Variants in MRC1 observed in about 807,000 individuals in gnomAD.
The protein encoded by MRC1 is macrophage mannose receptor 1.
In MRC1, 62 loss-of-function variants were observed where a neutral mutation model predicts 102.9. The observed-to-expected ratio is 0.60, with a 90% CI of 0.49 to 0.74. The LOEUF is 0.74. MRC1 is among the 30% of genes least tolerant of loss of function. MRC1 has a pLI of 0.00. For missense variants in MRC1, 1,237 were observed against 862.8 expected (o/e 1.43, Z -5.43); for synonymous variants, 457 against 298.4 (o/e 1.53, Z -5.48).
chr10:17,838,714 C>A (rs1275540023), intron 4 of MRC1, among the ~76,000 whole-genome samples: 1 of 152,144 alleles, frequency 6.6e-6, no homozygotes, highest in African/African-American at 2.4e-5. Context: ...TGGCTCACGC[C>A]TGTAACCCCA....
chr10:17,883,470 G>GT (rs1214384820), intron 21 of MRC1, among the ~76,000 whole-genome samples: 360 of 141,104 alleles, frequency 2.6e-3, no homozygotes, highest in East Asian at 5.6e-3. Flanking sequence ...CGGTGGAAGA[G>GT]TTTTTTTTTT....
intron 1 of MRC1, among the ~76,000 whole-genome samples, chr10:17,815,710 T>A (rs1446230247): frequency 2.6e-5 from 4 of 152,228 alleles, no homozygotes; most frequent in Admixed American, 2.0e-4. Flanking sequence ...AAATGGCCAG[T>A]TGCAATGACC....
At position 17,884,952 on chromosome 10, in the gene MRC1, G is replaced by C. The variant is rs930570594; in HGVS notation, c.2981-317G>C. Among the ~76,000 whole-genome samples, 367 of 152,358 alleles carry C rather than the reference G, an allele frequency of 2.4e-3. 1 individual carries two copies. Among genetic ancestry groups the C allele is most frequent in the Middle Eastern group, 6.8e-3 (2 of 294 alleles). ...GGTGACTTTTTATGAATTAGAAAAA[G>C]TTTTGGTTGTAGGCAGCCACGACCC... On this transcript the variant is annotated intron_variant, in intron 21 of 29. Transcript: ENST00000569591.
intron 19 of MRC1, among the ~76,000 whole-genome samples, chr10:17,880,197 C>T (rs1164351290): frequency 6.6e-6 from 1 of 152,136 alleles, no homozygotes; most frequent in Non-Finnish European, 1.5e-5. Context: ...TGAAATCATA[C>T]ATCTAAAATA....
intron 3 of MRC1, among the ~76,000 whole-genome samples, chr10:17,830,613 T>TCTAC (rs1838556166): frequency 6.6e-6 from 1 of 150,838 alleles, no homozygotes; most frequent in Non-Finnish European, 1.5e-5. Flanking sequence ...TAAAGGAAAA[T>TCTAC]TCTTGGTTCT....
intron 12 of MRC1, among the ~76,000 whole-genome samples, chr10:17,869,833 T>C (rs1236453381): frequency 1.3e-5 from 2 of 152,192 alleles, no homozygotes; most frequent in Non-Finnish European, 2.9e-5. Flanking sequence ...TTTAGAAAAG[T>C]TATTTTCCTT....
intron 4 of MRC1, among the ~76,000 whole-genome samples, chr10:17,834,684 G>A (rs1053068299): frequency 4.6e-5 from 7 of 152,184 alleles, no homozygotes; most frequent in African/African-American, 1.7e-4. Flanking sequence ...AAAGTGCTGG[G>A]ATTACAGGCG....
intron 1 of MRC1, among the ~76,000 whole-genome samples, chr10:17,813,027 A>G (rs1029141732): frequency 6.6e-6 from 1 of 152,174 alleles, no homozygotes; most frequent in Non-Finnish European, 1.5e-5. Context: ...GTGGACAGAG[A>G]AGCCTTAGAA....
intron 29 of MRC1, among the ~76,000 whole-genome samples, chr10:17,909,863 A>T (rs956326963): frequency 1.3e-4 from 19 of 151,554 alleles, no homozygotes; most frequent in Admixed American, 2.6e-4. Context: ...TTTTCTCTTC[A>T]TTTCCATTTT....
intron 24 of MRC1, among the ~76,000 whole-genome samples, chr10:17,899,346 TTTC>T (rs1833798467): frequency 6.6e-6 from 1 of 152,228 alleles, no homozygotes; most frequent in South Asian, 2.1e-4. Context: ...AGTCATTTGT[TTTC>T]TTCTCACAGA....
Position 17,902,135 on chromosome 10 carries a change from T to C in MRC1, c.3799+13T>C. 1.3e-6 allele frequency: 1 copy of C among 776,596 alleles called. No homozygotes were observed. Among genetic ancestry groups the C allele is most frequent in the Non-Finnish European group, 2.4e-6 (1 of 415,732 alleles). The allele number at this position is 776,596 out of a possible 1,614,324, so 48.1% of individuals were successfully genotyped here. A position where few individuals can be genotyped will look rare whatever the true frequency, so the allele number is the denominator to read the frequency against. ...TGTCTTCGAATGGGTGAGTGCCACA[T>C]TTCCTGAAGGAAAACTCCATAATCA... is the stretch of plus-strand genomic sequence containing the variant. On this transcript the variant is annotated intron_variant, in intron 26 of 29. Transcript: ENST00000569591.
intron 1 of MRC1, among the ~76,000 whole-genome samples, chr10:17,815,691 T>C (rs34107015): frequency 0.23 from 35,204 of 152,212 alleles, 4,706 homozygotes; most frequent in African/African-American, 0.37. Flanking sequence ...TCATATTATG[T>C]ACTTTTCCAA....
At chr10:17,894,390 CTTTCTT>C in intron 23 of MRC1, 78 bp downstream of exon 23, 279 of 575,494 alleles carry the variant, frequency 4.8e-4, no homozygotes, top group Non-Finnish European at 6.2e-4. Context: ...TTCTTTCTTT[CTTTCTT>C]TTTTTTTTTT....
Position 17,910,401 on chromosome 10 carries a change from C to T in MRC1, c.4307C>T (p.Pro1436Leu). The T allele has an allele frequency of 1.3e-6, 1 of 780,698 alleles. No homozygotes were observed. The allele number at this position is 780,698 out of a possible 1,614,324, so 48.4% of individuals were successfully genotyped here. Residue 1436 changes from proline to leucine, a missense_variant, in exon 30 of 30, where the codon CCA (proline) becomes CTA (leucine). Coordinates refer to ENST00000569591, the MANE Select transcript of MRC1 (RefSeq NM_002438.4). ...NTLYFNSQSSPGTSDMKDLVG... is the reference protein window; with the variant it reads ...NTLYFNSQSSLGTSDMKDLVG... ...CTGTATTTTAACAGTCAGTCAAGCC[C>T]AGGAACTAGTGATATGAAAGATCTC...
intron 10 of MRC1, among the ~76,000 whole-genome samples, chr10:17,862,456 A>G (rs1415695864): frequency 2.0e-5 from 3 of 152,186 alleles, no homozygotes. Context: ...GGTCTGCACT[A>G]TAATTGATCT....
rs1289978651 is a variant in MRC1 at position 17,845,271 on chromosome 10, T to C, written c.917-18T>C. On this transcript the variant is annotated intron_variant, in intron 5 of 29. Coordinates refer to ENST00000569591, the MANE Select transcript of MRC1 (RefSeq NM_002438.4). ...AATAGCTATAATAGTCCACTTTAAC[T>C]TTTCCTTTTCCTCGAAGGAAGTCCA... The C allele has an allele frequency of 1.4e-5, 11 of 780,690 alleles. No homozygotes were observed. The highest frequency in any genetic ancestry group is 2.4e-5 in the Non-Finnish European group (10 of 417,960). 48.4% of individuals were successfully genotyped at this position (780,690 alleles called of 1,614,324 possible).
Position 17,814,717 on chromosome 10 carries a change from G to A in MRC1, c.61+5191G>A, listed in dbSNP as rs959456686. Among the ~76,000 whole-genome samples, 7 of 120,366 alleles carry A rather than the reference G, an allele frequency of 5.8e-5. 2 individuals carry two copies. Among genetic ancestry groups the A allele is most frequent in the African/African-American group, 3.3e-5 (1 of 30,476 alleles). The allele number at this position is 120,366 out of a possible 152,430, so 79.0% of individuals were successfully genotyped here. A position where few individuals can be genotyped will look rare whatever the true frequency, so the allele number is the denominator to read the frequency against. ...TTTTTTTTTTTTGAGACAGAGTCTC[G>A]CTCTGTCGCCCAGGCTGGAGTGCAG... On this transcript the variant is annotated intron_variant, in intron 1 of 29. Transcript: ENST00000569591.
chr10:17,887,511 A>G (rs1833615842), intron 22 of MRC1, among the ~76,000 whole-genome samples: 1 of 152,254 alleles, frequency 6.6e-6, no homozygotes, highest in Non-Finnish European at 1.5e-5. Flanking sequence ...TTACTGAAGA[A>G]GCGAAAGTAG....
intron 21 of MRC1, among the ~76,000 whole-genome samples, chr10:17,884,401 A>G (rs1833561223): frequency 6.6e-6 from 1 of 152,182 alleles, no homozygotes; most frequent in Non-Finnish European, 1.5e-5. Flanking sequence ...TGGTTTGGCA[A>G]TCTGAGATAC....
Sources: gnomAD v4.1 joint callset for allele counts (sites outside exome capture counted in the v4.1 genomes callset) on GRCh38, gnomAD v4.1.1 for gene constraint, MANE v1.5 for transcripts, NCBI Gene and HGNC (gene_info 2026-07-23, HGNC 2026-07-21) for gene names.